Variants in GRIP1 observed in about 807,000 individuals in gnomAD.
GRIP1 encodes glutamate receptor interacting protein 1.
GRIP1 carries 45 observed loss-of-function variants against 129.9 expected under a neutral mutation model. That is an observed-to-expected ratio of 0.35 (90% CI 0.27 to 0.44). The LOEUF is 0.44. Among genes scored for constraint, GRIP1 ranks in the 20% least tolerant of loss-of-function variants. GRIP1 has a pLI of 1.00. For synonymous variants in GRIP1, 530 were observed against 520.8 expected, an observed-to-expected ratio of 1.02 and a Z score of -0.24; for missense variants, 1,196 against 1,396.8, an observed-to-expected ratio of 0.86 and a Z score of 2.29.
At chr12:67,016,968 T>C (rs751195532) in intron 1 of GRIP1, among the ~76,000 whole-genome samples, 8 of 152,196 alleles carry the variant, frequency 5.3e-5, no homozygotes, top group African/African-American at 1.2e-4. Flanking sequence ...AAGACATTTT[T>C]AATAACCTAA....
intron 1 of GRIP1, among the ~76,000 whole-genome samples, chr12:66,973,099 A>AGAG (rs2137582906): frequency 6.6e-6 from 1 of 152,334 alleles, no homozygotes; most frequent in East Asian, 1.9e-4. Flanking sequence ...TTTTCACACA[A>AGAG]GAGTTGCTTC....
intron 1 of GRIP1, among the ~76,000 whole-genome samples, chr12:67,049,134 G>A (rs12372437): frequency 3.3e-4 from 50 of 152,066 alleles, no homozygotes; most frequent in African/African-American, 6.5e-4. Flanking sequence ...ACCATGCACC[G>A]TTCTTAGAAC....
chr12:66,751,098 A>G (rs2037112649), intron 1 of GRIP1, among the ~76,000 whole-genome samples: 1 of 152,166 alleles, frequency 6.6e-6, no homozygotes, highest in African/African-American at 2.4e-5. Flanking sequence ...TGCCCAAGTG[A>G]GAAATTGAGA....
At chr12:67,053,468 CAT>C (rs2043380476) in intron 1 of GRIP1, among the ~76,000 whole-genome samples, 1 of 152,218 alleles carries the variant, frequency 6.6e-6, no homozygotes, top group African/African-American at 2.4e-5. Context: ...ACACAAAAAT[CAT>C]ATGTCAGAAT....
In GRIP1 at chr12:66,734,432, C is replaced by T. The variant is rs564958978; in HGVS notation, c.-420+69621G>A. On this transcript the variant is annotated intron_variant, in intron 1 of 4. Transcript: ENST00000538373. ...ATTCAGGTCTATGAACTGTCAGGGG[C>T]GATCACTGCTGTCATGTTTCAGGAT... 8.5e-5 allele frequency among the ~76,000 whole-genome samples: 13 copies of T among 152,160 alleles called. No individual in the cohort carries two copies. The South Asian group carries it at 2.5e-3, about 29-fold the overall frequency.
chr12:66,723,304 CTTTTTTTTTTTTT>C (rs57938064), intron 1 of GRIP1, among the ~76,000 whole-genome samples: 4 of 58,412 alleles, frequency 6.8e-5, no homozygotes, highest in African/African-American at 1.7e-4. Flanking sequence ...TTCTTTCTTT[CTTTTTTTTTTTTT>C]TTTTTTTTTT....
chr12:66,353,393 T>A, intron 24 of GRIP1, 24 bp downstream of exon 24: 1 of 1,568,898 alleles, frequency 6.4e-7, no homozygotes. Context: ...TTGCAAGGAA[T>A]TAAAATTCCA....
chr12:66,764,198 T>C (rs1378915626), intron 1 of GRIP1, among the ~76,000 whole-genome samples: 1 of 152,178 alleles, frequency 6.6e-6, no homozygotes, highest in Admixed American at 6.5e-5. Context: ...TGAAAAATAA[T>C]GAGAAAGAAT....
At chr12:66,862,647 C>T (rs1204791835) in intron 1 of GRIP1, among the ~76,000 whole-genome samples, 2 of 152,004 alleles carry the variant, frequency 1.3e-5, no homozygotes, top group Non-Finnish European at 2.9e-5. Flanking sequence ...GCTGTCTTGT[C>T]TCATTTTGTA....
At chr12:66,615,748 G>A (rs1478675373) in intron 1 of GRIP1, among the ~76,000 whole-genome samples, 2 of 152,120 alleles carry the variant, frequency 1.3e-5, no homozygotes, top group East Asian at 1.9e-4. Context: ...GGGTTCAAGC[G>A]ATTCTCCTGC....
intron 7 of GRIP1, among the ~76,000 whole-genome samples, chr12:66,506,465 A>T (rs1053429274): frequency 5.3e-5 from 8 of 152,226 alleles, no homozygotes; most frequent in Non-Finnish European, 1.2e-4. Context: ...TTTCATTTAT[A>T]TAAAGTTTAA....
At chr12:67,053,817 G>A (rs2135860077) in intron 1 of GRIP1, among the ~76,000 whole-genome samples, 1 of 146,468 alleles carries the variant, frequency 6.8e-6, no homozygotes, top group South Asian at 2.2e-4. Context: ...CAGCCTGGGA[G>A]ACAGACAGAG....
At chr12:66,617,935 T>C (rs2065115681) in intron 1 of GRIP1, among the ~76,000 whole-genome samples, 1 of 152,002 alleles carries the variant, frequency 6.6e-6, no homozygotes, top group South Asian at 2.1e-4. Flanking sequence ...TGATCTGATA[T>C]AACCTTTAAA....
At chr12:66,823,334 C>A (rs961615918) in intron 1 of GRIP1, among the ~76,000 whole-genome samples, 7 of 152,094 alleles carry the variant, frequency 4.6e-5, no homozygotes, top group Non-Finnish European at 1.0e-4. Context: ...TAATGGTTCT[C>A]AAGTTGCTGC....
At chr12:66,466,569 C>A (rs1565770597) in intron 7 of GRIP1, among the ~76,000 whole-genome samples, 1 of 144,644 alleles carries the variant, frequency 6.9e-6, no homozygotes, top group East Asian at 2.0e-4. Flanking sequence ...TAAAACTTTC[C>A]TTTTTTTGTA....
At chr12:66,354,487 G>A (rs542827927) in intron 23 of GRIP1, among the ~76,000 whole-genome samples, 19 of 152,262 alleles carry the variant, frequency 1.2e-4, no homozygotes, top group African/African-American at 4.1e-4. Context: ...AGCTCTCACC[G>A]CACTGGGCAC....
chr12:66,848,739 G>T (rs1592900220), intron 1 of GRIP1, among the ~76,000 whole-genome samples: 1 of 151,918 alleles, frequency 6.6e-6, no homozygotes, highest in African/African-American at 2.4e-5. Context: ...TTTTTCCCTA[G>T]GTTCAAAATT....
intron 2 of GRIP1, among the ~76,000 whole-genome samples, chr12:66,587,358 G>T (rs2063680090): frequency 6.6e-6 from 1 of 152,226 alleles, no homozygotes; most frequent in South Asian, 2.1e-4. Context: ...GGAGGCCTCA[G>T]GTTTTCTATC....
chr12:66,857,687 G>C (rs866499522), intron 1 of GRIP1, among the ~76,000 whole-genome samples: 5 of 152,064 alleles, frequency 3.3e-5, no homozygotes, highest in Middle Eastern at 3.4e-3. Flanking sequence ...TGAATAAAAT[G>C]TGGTTCCTGA....
Sources: gnomAD v4.1 joint callset for allele counts (sites outside exome capture counted in the v4.1 genomes callset) on GRCh38, gnomAD v4.1.1 for gene constraint, MANE v1.5 for transcripts, NCBI Gene and HGNC (gene_info 2026-07-23, HGNC 2026-07-21) for gene names.